Variants in HDGFL3 observed in about 807,000 individuals in gnomAD.
HDGFL3 encodes the protein hepatoma-derived growth factor-related protein 3.
In HDGFL3, 6 loss-of-function variants were observed where a neutral mutation model predicts 27.6. The ratio of observed to expected loss-of-function variants is 0.22; its 90% CI spans 0.12 to 0.43. The LOEUF (loss-of-function observed/expected upper bound fraction) is 0.43. Among genes scored for constraint, HDGFL3 ranks in the 20% least tolerant of loss-of-function variants. The pLI, the probability that HDGFL3 is intolerant of heterozygous loss-of-function variation, is 1.00. For synonymous variants in HDGFL3, 88 were observed against 88.9 expected (o/e 0.99, Z 0.05); for missense variants, 207 against 250.1 (o/e 0.83, Z 1.16).
chr15:83,129,164 C>T lies in HDGFL3; in HGVS notation c.*10106G>A, dbSNP rs534136195. ...TAGTTTTACTCCAGTGATTCTCCAA[C>T]CCATTTTTTTTTTCCAGCTCCGCTG... On this transcript the variant is annotated 3_prime_UTR_variant, in exon 6 of 6. Coordinates refer to ENST00000299633, the MANE Select transcript of HDGFL3 (RefSeq NM_016073.4). 1.3e-5 allele frequency: 2 copies of T among 152,082 alleles called. No homozygotes were observed. The highest frequency in any genetic ancestry group is 4.8e-5 in the African/African-American group (2 of 41,392). The allele number at this position is 152,082 out of a possible 1,614,324, so 9.4% of individuals were successfully genotyped here. A position where few individuals can be genotyped will look rare whatever the true frequency, so the allele number is the denominator to read the frequency against.
rs774991377 is a variant in HDGFL3 at position 83,121,131 on chromosome 15, T to TG, written c.394-5391dup. On this transcript the variant is annotated intron_variant, in intron 3 of 3. Transcript: ENST00000568294. ...TGTCACCCAGGCTGGAGTGCAGTGG[T>TG]GCGATCTTGGCTCGCTGTAACCTCT... Among the ~76,000 whole-genome samples the TG allele has an allele frequency of 4.0e-5, 6 of 151,894 alleles. No individual in the cohort carries two copies. The East Asian group carries it at 7.8e-4, about 20-fold the overall frequency.
intron 3 of HDGFL3, chr15:83,116,018 T>C: frequency 8.6e-7 from 1 of 1,167,696 alleles, no homozygotes; most frequent in Non-Finnish European, 1.3e-6. Context: ...GAGACAGAAA[T>C]CCTCTCATTT....
intron 1 of HDGFL3, chr15:83,192,104 G>C (rs2037518532): frequency 6.9e-6 from 2 of 290,646 alleles, no homozygotes; most frequent in Non-Finnish European, 1.3e-5. Flanking sequence ...ACCACGCCTG[G>C]CTAATTTTTT....
In HDGFL3 at chr15:83,190,167, C is replaced by T. The variant is rs1254106736; in HGVS notation, c.84+17164G>A. On this transcript the variant is annotated intron_variant, in intron 1 of 5. Coordinates refer to ENST00000299633, the MANE Select transcript of HDGFL3 (RefSeq NM_016073.4). ...AGCCTGCAGTGAGCCATGATTGTGC[C>T]ACTATACTCCAGCCTGGGCAACAGA... Among the ~76,000 whole-genome samples the T allele has an allele frequency of 3.4e-5, 5 of 148,686 alleles. 1 individual carries two copies. Among genetic ancestry groups the T allele is most frequent in the African/African-American group, 1.2e-4 (5 of 40,156 alleles).
chr15:83,121,062 A>G (rs2035194285), intron 3 of HDGFL3, among the ~76,000 whole-genome samples: 1 of 151,746 alleles, frequency 6.6e-6, no homozygotes, highest in Non-Finnish European at 1.5e-5. Flanking sequence ...GGGGTTATCA[A>G]TTGAAGGAAC....
intron 4 of HDGFL3, among the ~76,000 whole-genome samples, chr15:83,154,289 T>A (rs1479241578): frequency 6.6e-6 from 1 of 150,896 alleles, no homozygotes; most frequent in African/African-American, 2.4e-5. Context: ...TGAGCTGAGA[T>A]TGCACCACTG....
intron 1 of HDGFL3, among the ~76,000 whole-genome samples, chr15:83,191,370 A>C (rs1041507324): frequency 6.6e-6 from 1 of 152,358 alleles, no homozygotes; most frequent in African/African-American, 2.4e-5. Context: ...ATATGTACAG[A>C]AAATTACAAA....
chr15:83,206,310 A>G (rs985437843), intron 1 of HDGFL3, among the ~76,000 whole-genome samples: 1 of 152,134 alleles, frequency 6.6e-6, no homozygotes, highest in African/African-American at 2.4e-5. Flanking sequence ...TTTCTCCATG[A>G]CTGTTTCCGT....
chr15:83,112,789 C>G, exon 4 of HDGFL3: 1 of 1,605,178 alleles, frequency 6.2e-7, no homozygotes, highest in East Asian at 2.2e-5. Context: ...CTGTTCTGGT[C>G]GTTGCAGTTC....
chr15:83,140,498 T>TTTTA (rs2036747318), intron 5 of HDGFL3, among the ~76,000 whole-genome samples: 1 of 150,966 alleles, frequency 6.6e-6, no homozygotes, highest in Admixed American at 6.6e-5. Context: ...TTTTTTTTTT[T>TTTTA]TGAGACAGAG....
intron 1 of HDGFL3, among the ~76,000 whole-genome samples, chr15:83,170,617 G>A (rs1038591406): frequency 2.0e-5 from 3 of 152,066 alleles, no homozygotes; most frequent in African/African-American, 7.2e-5. Flanking sequence ...TATAAGAATC[G>A]TAGAAGGAAA....
intron 1 of HDGFL3, among the ~76,000 whole-genome samples, chr15:83,165,236 T>G (rs751077160): frequency 1.8e-4 from 27 of 152,186 alleles, no homozygotes; most frequent in Non-Finnish European, 2.5e-4. Context: ...TGTATGTCAC[T>G]CTCTCAAAGC....
intron 3 of HDGFL3, chr15:83,116,029 A>G: frequency 1.9e-6 from 2 of 1,047,908 alleles, no homozygotes; most frequent in Non-Finnish European, 3.0e-6. Context: ...CCTCTCATTT[A>G]GTGTGAACAG....
chr15:83,152,468 T>C (rs1415552905), intron 4 of HDGFL3, among the ~76,000 whole-genome samples: 1 of 152,038 alleles, frequency 6.6e-6, no homozygotes, highest in African/African-American at 2.4e-5. Flanking sequence ...TGGGAGGCTG[T>C]GGTGGACAGA....
At chr15:83,176,425 T>C (rs1055741596) in intron 1 of HDGFL3, among the ~76,000 whole-genome samples, 3 of 152,184 alleles carry the variant, frequency 2.0e-5, no homozygotes, top group Non-Finnish European at 4.4e-5. Context: ...ATTTTTGTTG[T>C]TTGCTTGCTT....
At chr15:83,149,885 C>T (rs551840669) in intron 5 of HDGFL3, among the ~76,000 whole-genome samples, 1 of 152,158 alleles carries the variant, frequency 6.6e-6, no homozygotes, top group African/African-American at 2.4e-5. Flanking sequence ...AAGAAGGGGA[C>T]GAATGACTGG....
At chr15:83,178,972 C>G (rs900073121) in intron 1 of HDGFL3, among the ~76,000 whole-genome samples, 12 of 152,268 alleles carry the variant, frequency 7.9e-5, no homozygotes, top group Non-Finnish European at 1.8e-4. Flanking sequence ...CCTCCCTACT[C>G]TTATTTATCT....
intron 5 of HDGFL3, 29 bp downstream of exon 5, chr15:83,151,186 G>A (rs2036959232): frequency 1.3e-6 from 2 of 1,597,116 alleles, no homozygotes; most frequent in African/African-American, 2.7e-5. Flanking sequence ...TCTAATAGAA[G>A]GTAAGAGAAA....
chr15:83,152,233 T>C (rs2036972800), intron 4 of HDGFL3, among the ~76,000 whole-genome samples: 3 of 152,236 alleles, frequency 2.0e-5, no homozygotes, highest in South Asian at 4.1e-4. Flanking sequence ...CTTCTTCAGA[T>C]AATCAGTTTT....
Sources: allele counts gnomAD v4.1 joint callset (sites outside exome capture counted in the v4.1 genomes callset), GRCh38; gene constraint gnomAD v4.1.1; transcripts MANE v1.5; gene names NCBI Gene and HGNC (gene_info 2026-07-23, HGNC 2026-07-21).